The following PANK2 variants were observed in gnomAD, a reference collection of about 807,000 sequenced individuals.
PANK2 encodes pantothenate kinase 2, mitochondrial.
In PANK2, 36 loss-of-function variants were observed where a neutral mutation model predicts 43.1. That is an observed-to-expected ratio of 0.84 (90% confidence interval 0.64 to 1.10). The LOEUF (loss-of-function observed/expected upper bound fraction) is 1.10, where lower values mean the gene tolerates loss of function less well. Ranked by LOEUF, PANK2 falls within the 50% of genes least tolerant of loss-of-function variation. PANK2 has a pLI of 0.00. For synonymous variants in PANK2, 281 were observed against 238.2 expected (o/e 1.18, Z -1.66); for missense variants, 576 against 593.3 (o/e 0.97, Z 0.30).
intron 1 of PANK2, among the ~76,000 whole-genome samples, chr20:3,904,038 T>C (rs890982865): frequency 6.6e-6 from 1 of 151,914 alleles, no homozygotes; most frequent in African/African-American, 2.4e-5. Context: ...TCAGGTGATC[T>C]GCCTGCCTTG....
Position 3,925,590 on chromosome 20 carries a change from C to G in PANK2, c.*2296C>G, listed in dbSNP as rs920697969. 2 of 152,270 alleles carry G rather than the reference C, an allele frequency of 1.3e-5. No homozygotes were observed. Among genetic ancestry groups the G allele is most frequent in the Non-Finnish European group, 2.9e-5 (2 of 68,124 alleles). 9.4% of individuals were successfully genotyped at this position (152,270 alleles called of 1,614,324 possible). On this transcript the variant is annotated 3_prime_UTR_variant, in exon 7 of 7. Coordinates refer to ENST00000610179, the MANE Select transcript of PANK2 (RefSeq NM_001386393.1). ...ATCCCATGCCACCGAATCTGGCATT[C>G]ATTTCACAGCCTCATCTCAGTTCTC...
intron 1 of PANK2, among the ~76,000 whole-genome samples, chr20:3,905,255 C>T (rs1011753258): frequency 1.3e-5 from 2 of 152,134 alleles, no homozygotes; most frequent in African/African-American, 4.8e-5. Flanking sequence ...TTCTCTCTCT[C>T]ACCTTCATAG....
At chr20:3,897,320 A>G (rs2090225492) in intron 1 of PANK2, among the ~76,000 whole-genome samples, 1 of 152,162 alleles carries the variant, frequency 6.6e-6, no homozygotes. Flanking sequence ...TAATATCAGG[A>G]AATATGTTAA....
rs558481390 is a variant in PANK2, at chr20:3,918,722, G to A, written c.1258G>A (p.Ala420Thr). The stretch of plus-strand genomic sequence containing the variant: ...AAATTTCTTGAGAATTAATACGATC[G>A]CCATGCGGCTTTTGGCATATGCTTT... The change falls in exon 6 of 7, where the codon GCC (alanine) becomes ACC (threonine). Residue 420 changes from alanine to threonine, a missense_variant. This residue lies in a region of PANK2 where 32 missense variants were observed against 64.3 expected (regional missense o/e 0.50). Transcript: ENST00000610179. The A allele has an allele frequency of 6.2e-7, 1 of 1,614,228 alleles. No homozygotes were observed. Among genetic ancestry groups the A allele is most frequent in the East Asian group, 2.2e-5 (1 of 44,886 alleles).
At chr20:3,899,008 G>A (rs2090255412) in intron 1 of PANK2, among the ~76,000 whole-genome samples, 1 of 151,636 alleles carries the variant, frequency 6.6e-6, no homozygotes, top group Non-Finnish European at 1.5e-5. Flanking sequence ...CCGAGTAGCT[G>A]GAATTACAGG....
chr20:3,907,746 T>G (rs187859685), intron 1 of PANK2, among the ~76,000 whole-genome samples, 180 bp from the exon 2 acceptor site: 2 of 150,110 alleles, frequency 1.3e-5, no homozygotes, highest in East Asian at 3.9e-4. Context: ...TGCCGTAGTA[T>G]TTTTTTTTTA....
intron 1 of PANK2, chr20:3,891,238 A>C (rs1357954922): frequency 6.6e-6 from 1 of 151,952 alleles, no homozygotes; most frequent in African/African-American, 2.4e-5. Context: ...TTATTTTTTT[A>C]AATAGAGATG....
At chr20:3,922,225 AG>A (rs947797326) in intron 6 of PANK2, among the ~76,000 whole-genome samples, 2 of 152,188 alleles carry the variant, frequency 1.3e-5, no homozygotes, top group African/African-American at 4.8e-5. Context: ...CTTACCTTAC[AG>A]GTTGGAGACC....
chr20:3,910,837 T>A lies in PANK2; in HGVS notation c.905+7T>A. On this transcript the variant is annotated splice_region_variant and intron_variant, in intron 3 of 6. Transcript: ENST00000610179. ...AACGGGTCACAGGTACTAGGTAAGT[T>A]GTATATAAAACTCACTGTTTATTCT... is the stretch of plus-strand genomic sequence containing the variant. The A allele has an allele frequency of 1.2e-6, 2 of 1,614,068 alleles. No homozygotes were observed. Among genetic ancestry groups the A allele is most frequent in the Non-Finnish European group, 1.7e-6 (2 of 1,179,948 alleles).
At chr20:3,915,458 C>A (rs912538269) in intron 4 of PANK2, among the ~76,000 whole-genome samples, 1 of 152,074 alleles carries the variant, frequency 6.6e-6, no homozygotes, top group African/African-American at 2.4e-5. Flanking sequence ...CCGCCACACC[C>A]AGCTAATTTT....
In PANK2 at chr20:3,910,658, A is replaced by G; in HGVS notation, c.733A>G (p.Asn245Asp). Residue 245 changes from asparagine to aspartate, a missense_variant, in exon 3 of 7, where the codon AAT (asparagine) becomes GAT (aspartate). Asn to Asp is a conservative substitution (Grantham distance 23). Transcript: ENST00000610179. ...TTTATACATTGACTCAGTCGGATTCAATGGACGGTCACAGTGCTATTACTT... is the reference window on the plus strand; with the variant it reads ...TTTATACATTGACTCAGTCGGATTCGATGGACGGTCACAGTGCTATTACTT... The G allele has an allele frequency of 6.2e-7, 1 of 1,614,184 alleles. No homozygotes were observed.
At chr20:3,890,554 C>T (rs572727845) in intron 1 of PANK2, among the ~76,000 whole-genome samples, 31 of 152,316 alleles carry the variant, frequency 2.0e-4, no homozygotes, top group Non-Finnish European at 3.4e-4. Context: ...ATCAATTGTC[C>T]TGATACTGTA....
intron 1 of PANK2, among the ~76,000 whole-genome samples, chr20:3,906,679 GAAGTA>G (rs940938794): frequency 3.3e-5 from 5 of 152,082 alleles, no homozygotes; most frequent in Non-Finnish European, 7.4e-5. Flanking sequence ...ATAAATACTT[GAAGTA>G]GAGTTTCTAC....
At chr20:3,914,071 G>C (rs538257974) in intron 4 of PANK2, among the ~76,000 whole-genome samples, 3 of 152,002 alleles carry the variant, frequency 2.0e-5, no homozygotes, top group South Asian at 2.1e-4. Context: ...TTACAGGCGT[G>C]AGCCACTGCG....
Position 3,924,326 on chromosome 20 carries a change from A to C in PANK2, c.*1032A>C, listed in dbSNP as rs2090690373. The C allele has an allele frequency of 6.6e-6, 1 of 152,266 alleles. No homozygotes were observed. The highest frequency in any genetic ancestry group is 6.5e-5 in the Admixed American group (1 of 15,284). The allele number at this position is 152,266 out of a possible 1,614,324, so 9.4% of individuals were successfully genotyped here. ...TGGTGCCCATATTGCTGTTGAAGGCAAGGATGGGCCTGTACAAAGCAGCCT... is the reference window on the plus strand; with the variant it reads ...TGGTGCCCATATTGCTGTTGAAGGCCAGGATGGGCCTGTACAAAGCAGCCT... On this transcript the variant is annotated 3_prime_UTR_variant, in exon 7 of 7. Coordinates refer to ENST00000610179, the MANE Select transcript of PANK2 (RefSeq NM_001386393.1).
Position 3,912,448 on chromosome 20 carries a change from T to G in PANK2, c.906-10T>G. Reference sequence around the variant, plus strand: ...TGTTATAATACTGTGTTAATTGTTTTTAATCATAGTCTTGGAGGAGGAACT... The same window carrying G: ...TGTTATAATACTGTGTTAATTGTTTGTAATCATAGTCTTGGAGGAGGAACT... On this transcript the variant is annotated splice_polypyrimidine_tract_variant and intron_variant, in intron 3 of 6. Coordinates refer to ENST00000610179, the MANE Select transcript of PANK2 (RefSeq NM_001386393.1). The G allele has an allele frequency of 1.9e-6, 3 of 1,613,796 alleles. No individual in the cohort carries two copies. The highest frequency in any genetic ancestry group is 8.5e-7 in the Non-Finnish European group (1 of 1,179,668).
Position 3,889,678 on chromosome 20 carries a change from C to G in PANK2, c.248C>G (p.Pro83Arg). ...GATCGACTGGGCTCTTACAGCGGCC[C>G]CACCTCGGTCTCCCGCCAGCGCGTC... Residue 83 changes from proline (P) to arginine (R), a missense_variant, in exon 1 of 7, where the codon CCC becomes CGC. Around this residue, in one of 2 missense-constraint regions of PANK2, gnomAD observed 544 missense variants for 528.9 expected, o/e 1.03. Coordinates refer to ENST00000610179, the MANE Select transcript of PANK2 (RefSeq NM_001386393.1). The G allele has an allele frequency of 6.3e-7, 1 of 1,593,002 alleles. No individual in the cohort carries two copies. The highest frequency in any genetic ancestry group is 8.5e-7 in the Non-Finnish European group (1 of 1,177,872).
rs562997544 is a variant in PANK2 at position 3,916,923 on chromosome 20, A to C, written c.1083-4A>C. On this transcript the variant is annotated splice_region_variant and splice_polypyrimidine_tract_variant and intron_variant, in intron 4 of 6. Coordinates refer to ENST00000610179, the MANE Select transcript of PANK2 (RefSeq NM_001386393.1). ...GCAATGGGATTTTTTTTCCCCCATC[A>C]CAGCTTTGGAAACATGATGAGCAAG... The C allele has an allele frequency of 2.3e-5, 37 of 1,602,322 alleles. No homozygotes were observed. Among genetic ancestry groups the C allele is most frequent in the Non-Finnish European group, 3.0e-5 (35 of 1,174,620 alleles).
chr20:3,926,960 AAT>A lies in PANK2; in HGVS notation c.*3667_*3668del, dbSNP rs2090729900. On this transcript the variant is annotated 3_prime_UTR_variant, in exon 7 of 7. Coordinates refer to ENST00000610179, the MANE Select transcript of PANK2 (RefSeq NM_001386393.1). The stretch of plus-strand genomic sequence containing the variant: ...TGTCTCAAAAAAAAAAAAAAAAAAA[AAT>A]CCGCTATTTCAGGTCACCCTGGTGC... The A allele has an allele frequency of 1.9e-5, 3 of 157,054 alleles. No individual in the cohort carries two copies. The highest frequency in any genetic ancestry group is 7.2e-5 in the African/African-American group (3 of 41,422). The allele number at this position is 157,054 out of a possible 1,614,324, so 9.7% of individuals were successfully genotyped here.
Sources: gnomAD v4.1 joint callset for allele counts (sites outside exome capture counted in the v4.1 genomes callset) on GRCh38, gnomAD v4.1.1 for gene constraint, gnomAD v4.1.1 regional missense constraint, MANE v1.5 for transcripts, NCBI Gene and HGNC (gene_info 2026-07-23, HGNC 2026-07-21) for gene names.